SLC26A7: variants seen among roughly 807,000 people sequenced by gnomAD.
SLC26A7 encodes the protein anion exchange transporter.
Under a neutral mutation model 82.5 loss-of-function variants are expected in SLC26A7, and 59 were observed. That is an observed-to-expected ratio of 0.72 (90% CI 0.58 to 0.89). The LOEUF (loss-of-function observed/expected upper bound fraction) is 0.89. Among genes scored for constraint, SLC26A7 ranks in the 40% least tolerant of loss-of-function variants. The pLI is 0.00. For synonymous variants in SLC26A7, 271 were observed against 274.3 expected, an observed-to-expected ratio of 0.99 and a Z score of 0.12; for missense variants, 820 against 793.0, an observed-to-expected ratio of 1.03 and a Z score of -0.41.
intron 2 of SLC26A7, among the ~76,000 whole-genome samples, chr8:91,268,111 C>T (rs1811163312): frequency 6.6e-6 from 1 of 151,704 alleles, no homozygotes; most frequent in African/African-American, 2.4e-5. Flanking sequence ...AGAAAAGGTA[C>T]TTGATATGAT....
chr8:91,341,479 G>A (rs986181302), intron 8 of SLC26A7, among the ~76,000 whole-genome samples: 5 of 152,094 alleles, frequency 3.3e-5, no homozygotes, highest in African/African-American at 9.7e-5. Flanking sequence ...TACGAATATC[G>A]AACTACCTGT....
chr8:91,316,405 T>A (rs566504265), intron 4 of SLC26A7, among the ~76,000 whole-genome samples: 2 of 147,528 alleles, frequency 1.4e-5, no homozygotes, highest in Non-Finnish European at 1.5e-5. Context: ...ACCTCAGCCT[T>A]CTGAGTACCT....
At chr8:91,269,113 G>A (rs1811196594) in intron 2 of SLC26A7, among the ~76,000 whole-genome samples, 2 of 151,930 alleles carry the variant, frequency 1.3e-5, no homozygotes, top group African/African-American at 4.8e-5. Flanking sequence ...AAAGATATAA[G>A]TGGTTTATAC....
At position 91,289,214 on chromosome 8, in the gene SLC26A7, C is replaced by A; in HGVS notation, c.272C>A (p.Ala91Asp). The change falls in exon 3 of 19, where the codon GCC becomes GAC. Residue 91 changes from alanine (A) to aspartate (D), a missense_variant. By Grantham distance (126) the Ala-to-Asp change is moderately radical (BLOSUM62 -2). Transcript: ENST00000276609. ...YGSLFPAIIYAIFGMGHHVAT... is the reference protein window; with the variant it reads ...YGSLFPAIIYDIFGMGHHVAT... ...TCTCTGTTTCCTGCCATAATTTATG[C>A]CATATTTGGAATGGGACATCATGTT... is the stretch of plus-strand genomic sequence containing the variant. 2 of 1,613,560 alleles carry A rather than the reference C, an allele frequency of 1.2e-6. No individual in the cohort carries two copies. The highest frequency in any genetic ancestry group is 1.7e-6 in the Non-Finnish European group (2 of 1,179,610).
chr8:91,379,559 G>A (rs1814612700), intron 15 of SLC26A7, among the ~76,000 whole-genome samples: 1 of 151,952 alleles, frequency 6.6e-6, no homozygotes, highest in African/African-American at 2.4e-5. Flanking sequence ...ATAGAGCAAT[G>A]GGAAAGGACA....
chr8:91,391,363 G>GAT (rs754684493), intron 16 of SLC26A7, among the ~76,000 whole-genome samples: 3 of 152,154 alleles, frequency 2.0e-5, no homozygotes, highest in Middle Eastern at 3.2e-3. Flanking sequence ...AGAATTGGCA[G>GAT]ATATTTCGAA....
chr8:91,251,945 G>C (rs1258345596), intron 2 of SLC26A7, among the ~76,000 whole-genome samples: 4 of 152,008 alleles, frequency 2.6e-5, no homozygotes, highest in African/African-American at 9.7e-5. Flanking sequence ...AGATTCAAAG[G>C]CAAAGTGACA....
chr8:91,258,906 T>C (rs1281429899), intron 2 of SLC26A7, among the ~76,000 whole-genome samples: 1 of 152,100 alleles, frequency 6.6e-6, no homozygotes, highest in Admixed American at 6.6e-5. Context: ...AGTTAGGTAG[T>C]GGAAACCTTG....
rs1278212572 is a variant in SLC26A7, at chr8:91,363,466, T to C, written c.1422-6T>C. On this transcript the variant is annotated splice_polypyrimidine_tract_variant and splice_region_variant and intron_variant, in intron 12 of 18. Transcript: ENST00000276609. ...TTGTTTTATTTTCTATCTGCTTTAATTTCAGAGCAATGACTGTAAGTATAA... is the reference window on the plus strand; with the variant it reads ...TTGTTTTATTTTCTATCTGCTTTAACTTCAGAGCAATGACTGTAAGTATAA... The C allele has an allele frequency of 2.0e-6, 3 of 1,482,910 alleles. No homozygotes were observed. Among genetic ancestry groups the C allele is most frequent in the Non-Finnish European group, 2.8e-6 (3 of 1,080,794 alleles). 91.9% of individuals were successfully genotyped at this position (1,482,910 alleles called of 1,614,324 possible). A position where few individuals can be genotyped will look rare whatever the true frequency, so the allele number is the denominator to read the frequency against.
At chr8:91,393,671 C>A (rs1015231793) in intron 16 of SLC26A7, 126 bp from the exon 17 acceptor site, 48 of 942,698 alleles carry the variant, frequency 5.1e-5, no homozygotes, top group African/African-American at 4.6e-4. Context: ...AACAATGCCT[C>A]CCTCTGGTGG....
chr8:91,260,155 C>T (rs927992476), intron 2 of SLC26A7, among the ~76,000 whole-genome samples: 4 of 152,222 alleles, frequency 2.6e-5, no homozygotes, highest in African/African-American at 9.6e-5. Flanking sequence ...TTAATTGACT[C>T]ACAGTTCCAT....
chr8:91,218,560 C>A (rs752680554), intron 1 of SLC26A7, among the ~76,000 whole-genome samples: 1 of 152,046 alleles, frequency 6.6e-6, no homozygotes, highest in African/African-American at 2.4e-5. Flanking sequence ...ATTTAATACC[C>A]CTGAAGGACA....
At chr8:91,356,117 C>A (rs1361507019) in intron 11 of SLC26A7, among the ~76,000 whole-genome samples, 1 of 152,196 alleles carries the variant, frequency 6.6e-6, no homozygotes, top group Admixed American at 6.6e-5. Flanking sequence ...TTTTCTTAAT[C>A]CAGTCTATCA....
At chr8:91,381,543 T>G (rs940535121) in intron 15 of SLC26A7, among the ~76,000 whole-genome samples, 3 of 152,158 alleles carry the variant, frequency 2.0e-5, no homozygotes, top group Admixed American at 1.3e-4. Flanking sequence ...CTTTCTGAAC[T>G]GAAAAATTTT....
intron 4 of SLC26A7, among the ~76,000 whole-genome samples, chr8:91,316,561 A>T (rs1586400805): frequency 7.6e-6 from 1 of 130,898 alleles, no homozygotes; most frequent in African/African-American, 2.9e-5. Context: ...TCCTGCCTCG[A>T]CCTCCCAAAG....
chr8:91,224,344 C>A (rs1230606465), intron 2 of SLC26A7, among the ~76,000 whole-genome samples: 4 of 152,046 alleles, frequency 2.6e-5, no homozygotes, highest in African/African-American at 9.7e-5. Context: ...GGCTGCTGAT[C>A]CTTGGATGGG....
chr8:91,313,616 C>A (rs575005058), intron 4 of SLC26A7, among the ~76,000 whole-genome samples: 17 of 152,146 alleles, frequency 1.1e-4, no homozygotes, highest in Non-Finnish European at 2.2e-4. Context: ...ACTTTACCAT[C>A]CAGTCACCTA....
chr8:91,376,821 A>G (rs1042529256), intron 15 of SLC26A7, among the ~76,000 whole-genome samples: 2 of 152,120 alleles, frequency 1.3e-5, no homozygotes, highest in African/African-American at 2.4e-5. Context: ...GGGAAGGGGC[A>G]GTGGGGCGAG....
chr8:91,362,000 A>G (rs1175499224), intron 11 of SLC26A7, among the ~76,000 whole-genome samples: 1 of 152,150 alleles, frequency 6.6e-6, no homozygotes, highest in African/African-American at 2.4e-5. Context: ...TGCTTGTAAT[A>G]ATATTACATT....
Sources: gnomAD v4.1 joint callset for allele counts (sites outside exome capture counted in the v4.1 genomes callset) on GRCh38, gnomAD v4.1.1 for gene constraint, MANE v1.5 for transcripts, NCBI Gene and HGNC (gene_info 2026-07-23, HGNC 2026-07-21) for gene names.